LRRC57: variants seen among roughly 807,000 people sequenced by gnomAD.
LRRC57 encodes leucine-rich repeat-containing protein 57.
LRRC57 carries 14 observed loss-of-function variants against 23.1 expected under a neutral mutation model. The observed-to-expected ratio is 0.61, with a 90% CI of 0.40 to 0.95. The LOEUF is 0.95. Among genes scored for constraint, LRRC57 ranks in the 40% least tolerant of loss-of-function variants. The pLI is 0.00. For synonymous variants in LRRC57, 106 were observed against 115.2 expected (o/e 0.92, Z 0.51); for missense variants, 236 against 284.4 (o/e 0.83, Z 1.22).
In LRRC57 at chr15:42,548,683, C is replaced by G; in HGVS notation, c.-23+10G>C. On this transcript the variant is annotated intron_variant, in intron 1 of 5. Transcript: ENST00000397130. The stretch of plus-strand genomic sequence containing the variant: ...GGAGCCTACGGAAGATCAGGGAGCC[C>G]CGGACTCGCCTCCCACCGCTCAGCT... 1.6e-6 allele frequency: 1 copy of G among 621,864 alleles called. No individual in the cohort carries two copies. The highest frequency in any genetic ancestry group is 2.8e-6 in the Non-Finnish European group (1 of 357,110). The allele number at this position is 621,864 out of a possible 1,614,324, so 38.5% of individuals were successfully genotyped here.
Position 42,540,852 on chromosome 15 carries a change from A to AC in LRRC57, c.*3230dup, listed in dbSNP as rs1452762055. The AC allele has an allele frequency of 2.0e-5, 3 of 152,056 alleles. No individual in the cohort carries two copies. The highest frequency in any genetic ancestry group is 4.4e-5 in the Non-Finnish European group (3 of 68,024). 9.4% of individuals were successfully genotyped at this position (152,056 alleles called of 1,614,324 possible). ...AGACTAGCCTGGCCAACATGGTGAAACCCCATCTCTACTAAAATACAAAAA... is the reference window on the plus strand; with the variant it reads ...AGACTAGCCTGGCCAACATGGTGAAACCCCCATCTCTACTAAAATACAAAAA... On this transcript the variant is annotated 3_prime_UTR_variant, in exon 6 of 6. Transcript: ENST00000397130.
chr15:42,540,824 T>G lies in LRRC57; in HGVS notation c.*3259A>C, dbSNP rs1384035862. 1 of 152,180 alleles carries G rather than the reference T, an allele frequency of 6.6e-6. No individual in the cohort carries two copies. The highest frequency in any genetic ancestry group is 1.5e-5 in the Non-Finnish European group (1 of 68,074). The allele number at this position is 152,180 out of a possible 1,614,324, so 9.4% of individuals were successfully genotyped here. A position where few individuals can be genotyped will look rare whatever the true frequency, so the allele number is the denominator to read the frequency against. On this transcript the variant is annotated 3_prime_UTR_variant, in exon 6 of 6. Coordinates refer to ENST00000397130, the MANE Select transcript of LRRC57 (RefSeq NM_153260.3). ...GGGTGGATCACCTGAGGTCAGGAGT[T>G]CGAGACTAGCCTGGCCAACATGGTG...
At chr15:42,544,815 T>TCACACA (rs202009649) in intron 5 of LRRC57, among the ~76,000 whole-genome samples, 74 of 131,774 alleles carry the variant, frequency 5.6e-4, no homozygotes, top group African/African-American at 2.2e-3. Flanking sequence ...AGACCCTGTC[T>TCACACA]CACACACACA....
rs1006238089 is a variant in LRRC57 at position 42,540,451 on chromosome 15, T to C, written c.*3632A>G. 4.6e-5 allele frequency: 7 copies of C among 152,204 alleles called. No individual in the cohort carries two copies. Among genetic ancestry groups the C allele is most frequent in the African/African-American group, 1.7e-4 (7 of 41,464 alleles). The allele number at this position is 152,204 out of a possible 1,614,324, so 9.4% of individuals were successfully genotyped here. ...AATTTAAAGTATCAGGAAGATACTA[T>C]GTCATTTTGTATAAGGGACTTGAGC... On this transcript the variant is annotated 3_prime_UTR_variant, in exon 6 of 6. Transcript: ENST00000397130.
chr15:42,529,664 T>G, the LRRC57 span: 1 of 1,611,944 alleles, frequency 6.2e-7, no homozygotes, highest in African/African-American at 1.3e-5. Flanking sequence ...TTAACTGTCT[T>G]CTTGTGATAG....
chr15:42,533,910 T>C (rs535291649), downstream of LRRC57, among the ~76,000 whole-genome samples: 2 of 152,306 alleles, frequency 1.3e-5, no homozygotes, highest in East Asian at 1.9e-4. Context: ...TAAAAAGCAA[T>C]GTATATACCT....
In LRRC57 at chr15:42,538,068, A is replaced by G. The variant is rs1668095932; in HGVS notation, c.*6015T>C. ...TTTGAAATGTTCCCAACACAAACAA[A>G]TGATAAATGTTTGAGATAATGAATA... On this transcript the variant is annotated 3_prime_UTR_variant, in exon 6 of 6. Coordinates refer to ENST00000397130, the MANE Select transcript of LRRC57 (RefSeq NM_153260.3). 1 of 152,238 alleles carries G rather than the reference A, an allele frequency of 6.6e-6. No individual in the cohort carries two copies. The highest frequency in any genetic ancestry group is 1.5e-5 in the Non-Finnish European group (1 of 68,038). 9.4% of individuals were successfully genotyped at this position (152,238 alleles called of 1,614,324 possible).
chr15:42,529,486 G>A, the LRRC57 span, among the ~76,000 whole-genome samples: 1 of 152,148 alleles, frequency 6.6e-6, no homozygotes, highest in Non-Finnish European at 1.5e-5. Context: ...ATGGCTTTAA[G>A]ATACTGTGCT....
intron 2 of LRRC57, 43 bp from the exon 3 acceptor site, chr15:42,548,287 A>C (rs746343656): frequency 1.2e-6 from 2 of 1,613,810 alleles, no homozygotes; most frequent in East Asian, 4.5e-5. Flanking sequence ...CGCACCGACT[A>C]AGTTCGCCGC....
chr15:42,537,229 T>TCACACACACACACACA (rs1445243515), downstream of LRRC57, among the ~76,000 whole-genome samples: 34 of 109,040 alleles, frequency 3.1e-4, no homozygotes, highest in African/African-American at 1.9e-3. Flanking sequence ...TCTCTCTCTC[T>TCACACACACACACACA]CTCTCACACA....
At chr15:42,529,973 C>G in the LRRC57 span, among the ~76,000 whole-genome samples, 5 of 152,286 alleles carry the variant, frequency 3.3e-5, no homozygotes, top group South Asian at 1.0e-3. Context: ...ACACATAAAA[C>G]AAGAGCCAAG....
At chr15:42,529,763 A>G in the LRRC57 span, 2 of 1,614,100 alleles carry the variant, frequency 1.2e-6, no homozygotes, top group Non-Finnish European at 1.7e-6. Flanking sequence ...CATGGCCCTG[A>G]ACATAGGCAA....
intron 5 of LRRC57, among the ~76,000 whole-genome samples, chr15:42,544,842 C>CACAA: frequency 1.8e-4 from 18 of 98,024 alleles, no homozygotes; most frequent in African/African-American, 6.0e-4. Flanking sequence ...CACACACACA[C>CACAA]TATATATATA....
downstream of LRRC57, among the ~76,000 whole-genome samples, chr15:42,536,861 T>A (rs2057602860): frequency 6.6e-6 from 1 of 152,068 alleles, no homozygotes; most frequent in South Asian, 2.1e-4. Flanking sequence ...ACTAAAGAGG[T>A]AAAAAATTAT....
At chr15:42,544,185 A>G in intron 5 of LRRC57, 61 bp from the exon 6 acceptor site, 1 of 1,375,152 alleles carries the variant, frequency 7.3e-7, no homozygotes, top group Non-Finnish European at 1.0e-6. Flanking sequence ...ATATAAGCCT[A>G]ACTATTTTTT....
chr15:42,545,048 T>A, intron 5 of LRRC57, 29 bp downstream of exon 5: 1 of 1,501,730 alleles, frequency 6.7e-7, no homozygotes, highest in South Asian at 1.3e-5. Context: ...GGGTAGTGAC[T>A]AGAAATGCAG....
At chr15:42,532,086 T>C in the LRRC57 span, 2 of 151,800 alleles carry the variant, frequency 1.3e-5, no homozygotes, top group Non-Finnish European at 2.9e-5. Context: ...ATAGAATGAG[T>C]TTTCTTTCTT....
At chr15:42,547,987 A>C (rs757372666) in intron 3 of LRRC57, 119 bp downstream of exon 3, 64 of 969,036 alleles carry the variant, frequency 6.6e-5, no homozygotes, top group Non-Finnish European at 9.8e-5. Context: ...GGATTCCGGC[A>C]TTCGCAACTT....
the LRRC57 span, chr15:42,529,843 G>C: frequency 1.2e-6 from 2 of 1,608,706 alleles, no homozygotes; most frequent in Non-Finnish European, 1.7e-6. Flanking sequence ...ATTGCCACAA[G>C]AAAATGAGAC....
Sources: gnomAD v4.1 joint callset for allele counts (sites outside exome capture counted in the v4.1 genomes callset) on GRCh38, gnomAD v4.1.1 for gene constraint, MANE v1.5 for transcripts, NCBI Gene and HGNC (gene_info 2026-07-23, HGNC 2026-07-21) for gene names.